Variants in PRKN observed in about 807,000 individuals in gnomAD.
PRKN encodes the protein parkin RBR E3 ubiquitin protein ligase.
PRKN carries 56 observed loss-of-function variants against 59.5 expected under a neutral mutation model. The observed-to-expected ratio is 0.94, with a 90% confidence interval of 0.76 to 1.18. The LOEUF is 1.18. Among genes scored for constraint, PRKN ranks in the 50% most tolerant of loss-of-function variants. The probability of loss-of-function intolerance (pLI) is 0.00; values close to 1 mark genes in which losing one functional copy is unlikely to be tolerated. For synonymous variants in PRKN, 250 were observed against 222.1 expected (o/e 1.13, Z -1.12); for missense variants, 657 against 596.4 (o/e 1.10, Z -1.06).
intron 7 of PRKN, among the ~76,000 whole-genome samples, chr6:161,752,073 A>G (rs1166297367): frequency 6.6e-6 from 1 of 152,258 alleles, no homozygotes; most frequent in Non-Finnish European, 1.5e-5. Context: ...ATTTTTCCTA[A>G]GGAATCCGTT....
At chr6:161,892,736 C>G (rs1384247355) in intron 6 of PRKN, among the ~76,000 whole-genome samples, 1 of 152,106 alleles carries the variant, frequency 6.6e-6, no homozygotes, top group Non-Finnish European at 1.5e-5. Context: ...AATATCCTAT[C>G]TCTAAACAAT....
At chr6:161,641,681 A>G (rs1562577362) in intron 7 of PRKN, among the ~76,000 whole-genome samples, 2 of 152,178 alleles carry the variant, frequency 1.3e-5, no homozygotes, top group Admixed American at 6.5e-5. Context: ...AGGAGAACCC[A>G]TTGGGCAGTA....
At chr6:161,531,538 C>T (rs1227120467) in intron 9 of PRKN, among the ~76,000 whole-genome samples, 1 of 152,110 alleles carries the variant, frequency 6.6e-6, no homozygotes, top group Admixed American at 6.5e-5. Context: ...AGGTAGGTGG[C>T]CCAGTAAGAC....
intron 6 of PRKN, among the ~76,000 whole-genome samples, chr6:161,835,058 G>A (rs966469431): frequency 6.6e-6 from 1 of 152,086 alleles, no homozygotes; most frequent in African/African-American, 2.4e-5. Context: ...GGGTAAGTCC[G>A]TCTCTTACTG....
Position 161,551,627 on chromosome 6 carries a change from G to A in PRKN, c.934-2624C>T, listed in dbSNP as rs976204334. Among the ~76,000 whole-genome samples, 12 of 152,158 alleles carry A rather than the reference G, an allele frequency of 7.9e-5. No individual in the cohort carries two copies. Among genetic ancestry groups the A allele is most frequent in the African/African-American group, 2.9e-4 (12 of 41,422 alleles). Reference sequence around the variant, plus strand: ...GAAAAGTCATTTCAGTGGAGTCATGGAGCCAAAAGCCTTTGGAGTGGAGTC... The same window carrying A: ...GAAAAGTCATTTCAGTGGAGTCATGAAGCCAAAAGCCTTTGGAGTGGAGTC... On this transcript the variant is annotated intron_variant, in intron 8 of 11. Coordinates refer to ENST00000366898, the MANE Select transcript of PRKN (RefSeq NM_004562.3). The surrounding 1 kb of genome is among the most constrained non-coding windows in gnomAD (Gnocchi z 5.2).
At chr6:162,219,432 A>G (rs183207161) in intron 3 of PRKN, among the ~76,000 whole-genome samples, 9 of 152,260 alleles carry the variant, frequency 5.9e-5, no homozygotes, top group Admixed American at 3.9e-4. Context: ...TCTATATTAA[A>G]CTGCATATTA....
intron 1 of PRKN, among the ~76,000 whole-genome samples, chr6:162,676,863 G>A (rs1019830045): frequency 1.3e-5 from 2 of 151,940 alleles, no homozygotes; most frequent in East Asian, 1.9e-4. Flanking sequence ...GAGTTTGTGA[G>A]CAGCCTGGCC....
At chr6:161,803,565 C>T (rs1791181917) in intron 6 of PRKN, among the ~76,000 whole-genome samples, 1 of 152,204 alleles carries the variant, frequency 6.6e-6, no homozygotes, top group African/African-American at 2.4e-5. Flanking sequence ...CTGCCCGAAG[C>T]AGGGCCAAGC....
intron 7 of PRKN, among the ~76,000 whole-genome samples, chr6:161,758,879 T>C (rs774317122): frequency 6.6e-5 from 10 of 152,156 alleles, no homozygotes; most frequent in Non-Finnish European, 1.2e-4. Flanking sequence ...TCTTTTGTTT[T>C]GAAAATCTCT....
chr6:161,798,003 C>G (rs1790922389), intron 6 of PRKN, among the ~76,000 whole-genome samples: 2 of 152,148 alleles, frequency 1.3e-5, no homozygotes, highest in South Asian at 2.1e-4. Context: ...AGATCAAGAC[C>G]ATTCTGGCTA....
intron 4 of PRKN, among the ~76,000 whole-genome samples, chr6:162,137,089 T>C (rs987305662): frequency 2.6e-5 from 4 of 152,154 alleles, no homozygotes; most frequent in African/African-American, 9.6e-5. Context: ...ACACTCAATC[T>C]ATTCTAAGAA....
At position 161,363,036 on chromosome 6, in the gene PRKN, G is replaced by A. The variant is rs1412612106; in HGVS notation, c.1168-2831C>T. 6.6e-6 allele frequency among the ~76,000 whole-genome samples: 1 copy of A among 152,156 alleles called. No homozygotes were observed. Among genetic ancestry groups the A allele is most frequent in the South Asian group, 2.1e-4 (1 of 4,822 alleles). On this transcript the variant is annotated intron_variant, in intron 10 of 11. Transcript: ENST00000366898. This position sits in a 1 kb window ranked among gnomAD's most constrained non-coding sequence, Gnocchi z 4.1. ...GCAGGTGGATCACTTGAGGCCGGGT[G>A]TTCAAGACCAGCCTGGCCAACATGG...
intron 9 of PRKN, among the ~76,000 whole-genome samples, chr6:161,514,462 A>T (rs536719523): frequency 1.3e-5 from 2 of 152,198 alleles, no homozygotes; most frequent in Admixed American, 6.5e-5. Context: ...AAAAAGGGTG[A>T]AGAAGGCAAG....
chr6:162,368,748 G>A (rs151296787), intron 2 of PRKN, among the ~76,000 whole-genome samples: 381 of 152,282 alleles, frequency 2.5e-3, no homozygotes, highest in African/African-American at 8.8e-3. Flanking sequence ...CTAGTCACCT[G>A]CTCTCAACTC....
chr6:162,361,498 T>C (rs73602254), intron 2 of PRKN, among the ~76,000 whole-genome samples: 4,984 of 152,194 alleles, frequency 0.033, 268 homozygotes, highest in African/African-American at 0.12. Context: ...AGCAATCACC[T>C]TGATCTTGAA....
intron 1 of PRKN, among the ~76,000 whole-genome samples, chr6:162,555,686 T>C (rs1779533461): frequency 6.6e-6 from 1 of 152,072 alleles, no homozygotes; most frequent in Non-Finnish European, 1.5e-5. Context: ...TGACATTTCA[T>C]AATTAAAGTT....
intron 2 of PRKN, among the ~76,000 whole-genome samples, chr6:162,308,076 T>C (rs1409466244): frequency 6.6e-6 from 1 of 152,152 alleles, no homozygotes; most frequent in Non-Finnish European, 1.5e-5. Context: ...AATGCATGGG[T>C]GGTGACAGGC....
intron 2 of PRKN, among the ~76,000 whole-genome samples, chr6:162,318,949 C>T (rs1376208118): frequency 6.6e-6 from 1 of 151,928 alleles, no homozygotes; most frequent in East Asian, 2.0e-4. Flanking sequence ...AAGCACTTGT[C>T]ACAAAAGAAC....
intron 1 of PRKN, among the ~76,000 whole-genome samples, chr6:162,528,182 C>T (rs562831333): frequency 1.3e-4 from 19 of 151,798 alleles, no homozygotes; most frequent in African/African-American, 4.1e-4. Flanking sequence ...ATTAGCCAGG[C>T]GTGGTGGTGG....
Sources: allele counts gnomAD v4.1 joint callset (sites outside exome capture counted in the v4.1 genomes callset), GRCh38; gene constraint gnomAD v4.1.1; non-coding constraint Gnocchi (gnomAD v3.1); transcripts MANE v1.5; gene names NCBI Gene and HGNC (gene_info 2026-07-23, HGNC 2026-07-21).